FAT3: variants seen among roughly 807,000 people sequenced by gnomAD.
FAT3 encodes the protein protocadherin Fat 3.
Under a neutral mutation model 310.2 loss-of-function variants are expected in FAT3, and 95 were observed. That is an observed-to-expected ratio of 0.31 (90% CI 0.26 to 0.36). FAT3 has a LOEUF of 0.36. Among genes scored for constraint, FAT3 ranks in the 10% least tolerant of loss-of-function variants. The probability of loss-of-function intolerance (pLI) is 1.00; values close to 1 mark genes in which losing one functional copy is unlikely to be tolerated. For missense variants in FAT3, 5,408 were observed against 5,715.6 expected, an observed-to-expected ratio of 0.95 and a Z score of 1.74; for synonymous variants, 2,314 against 2,192.9, an observed-to-expected ratio of 1.06 and a Z score of -1.54.
intron 1 of FAT3, among the ~76,000 whole-genome samples, chr11:92,289,129 A>G (rs1470596452): frequency 6.6e-6 from 1 of 152,058 alleles, no homozygotes; most frequent in Non-Finnish European, 1.5e-5. Flanking sequence ...TTTTTGGCTC[A>G]TCTATGAGCA....
chr11:92,556,207 T>A (rs180874115), intron 3 of FAT3, among the ~76,000 whole-genome samples: 3 of 152,338 alleles, frequency 2.0e-5, no homozygotes, highest in African/African-American at 7.2e-5. Context: ...CTGCATAACC[T>A]GGAGGAAGAG....
chr11:92,490,936 A>C (rs551951569), intron 2 of FAT3, among the ~76,000 whole-genome samples: 1 of 152,202 alleles, frequency 6.6e-6, no homozygotes, highest in South Asian at 2.1e-4. Flanking sequence ...GTCCAAGGTC[A>C]TAAGGTTTGA....
intron 3 of FAT3, among the ~76,000 whole-genome samples, chr11:92,562,377 G>T (rs1287008398): frequency 6.6e-6 from 1 of 152,084 alleles, no homozygotes; most frequent in Non-Finnish European, 1.5e-5. Context: ...AGAAGGCCAA[G>T]ATAAATACGT....
intron 3 of FAT3, among the ~76,000 whole-genome samples, chr11:92,630,159 A>G (rs1941502742): frequency 6.6e-6 from 1 of 152,140 alleles, no homozygotes; most frequent in South Asian, 2.1e-4. Flanking sequence ...ATGAAATGGC[A>G]TGTGTGTTCA....
At chr11:92,331,025 A>G (rs1947911305) in intron 1 of FAT3, among the ~76,000 whole-genome samples, 1 of 150,632 alleles carries the variant, frequency 6.6e-6, no homozygotes, top group Non-Finnish European at 1.5e-5. Flanking sequence ...AGAGAGAAAC[A>G]TTTACAGCTT....
intron 3 of FAT3, among the ~76,000 whole-genome samples, chr11:92,573,620 A>G (rs1369514759): frequency 6.6e-6 from 1 of 152,206 alleles, no homozygotes; most frequent in African/African-American, 2.4e-5. Context: ...TATAAGGGAC[A>G]GAAAAAGAGA....
Position 92,834,854 on chromosome 11 carries a change from C to T in FAT3, c.9872-16C>T, listed in dbSNP as rs377472916. The T allele has an allele frequency of 1.3e-5, 21 of 1,579,504 alleles. No homozygotes were observed. The African/African-American group carries it at 2.6e-4, about 19-fold the overall frequency. ...TTTTCCTAATGAAATATAAAGCTCCCCATTTTTCTTCAAAGGGGGTATTTC... is the reference window on the plus strand; with the variant it reads ...TTTTCCTAATGAAATATAAAGCTCCTCATTTTTCTTCAAAGGGGGTATTTC... On this transcript the variant is annotated splice_polypyrimidine_tract_variant and intron_variant, in intron 14 of 27. Coordinates refer to ENST00000525166, the MANE Select transcript of FAT3 (RefSeq NM_001367949.2).
At chr11:92,532,583 A>G (rs1245527296) in intron 3 of FAT3, among the ~76,000 whole-genome samples, 2 of 152,184 alleles carry the variant, frequency 1.3e-5, no homozygotes, top group African/African-American at 4.8e-5. Context: ...TAATAATAAC[A>G]AAACTTCAAA....
At chr11:92,551,011 C>G (rs1423494557) in intron 3 of FAT3, among the ~76,000 whole-genome samples, 1 of 151,782 alleles carries the variant, frequency 6.6e-6, no homozygotes, top group Non-Finnish European at 1.5e-5. Flanking sequence ...TAAGCATCGC[C>G]CAGTCCCCGT....
At chr11:92,356,417 A>C (rs1948732020) in intron 2 of FAT3, among the ~76,000 whole-genome samples, 1 of 152,188 alleles carries the variant, frequency 6.6e-6, no homozygotes, top group Non-Finnish European at 1.5e-5. Context: ...AGTCAGCTCA[A>C]GCTGCTATAG....
intron 1 of FAT3, among the ~76,000 whole-genome samples, chr11:92,275,912 C>T (rs1488326177): frequency 6.6e-6 from 1 of 152,018 alleles, no homozygotes; most frequent in Non-Finnish European, 1.5e-5. Flanking sequence ...ATGTTTTCAC[C>T]ATTAAGATTT....
intron 1 of FAT3, among the ~76,000 whole-genome samples, chr11:92,305,987 A>G (rs1947106835): frequency 1.3e-5 from 2 of 152,160 alleles, no homozygotes; most frequent in South Asian, 2.1e-4. Flanking sequence ...GTAAAATGTT[A>G]ATATCTGGAA....
At chr11:92,692,096 A>G (rs1435000736) in intron 3 of FAT3, among the ~76,000 whole-genome samples, 2 of 152,174 alleles carry the variant, frequency 1.3e-5, no homozygotes, top group Non-Finnish European at 2.9e-5. Flanking sequence ...TTAAAGATTA[A>G]AAATATTTAA....
rs182739065 is a variant in FAT3, at chr11:92,773,525, T to C, written c.4196-516T>C. On this transcript the variant is annotated intron_variant, in intron 6 of 27. Coordinates refer to ENST00000525166, the MANE Select transcript of FAT3 (RefSeq NM_001367949.2). ...ATGAAATTTTTTTGCTTTTTTTTAC[T>C]GTTTAGAATTCATAATTTTATTTCT... Among the ~76,000 whole-genome samples, 16 of 152,308 alleles carry C rather than the reference T, an allele frequency of 1.1e-4. 2 individuals carry two copies. Among genetic ancestry groups the C allele is most frequent in the Admixed American group, 9.8e-4 (15 of 15,294 alleles).
At chr11:92,336,775 G>A (rs1948096451) in intron 1 of FAT3, among the ~76,000 whole-genome samples, 2 of 152,138 alleles carry the variant, frequency 1.3e-5, no homozygotes. Context: ...TGATGGTCTG[G>A]TAGTGAAATG....
intron 3 of FAT3, among the ~76,000 whole-genome samples, chr11:92,609,645 T>C (rs1010056865): frequency 2.6e-5 from 4 of 152,160 alleles, no homozygotes; most frequent in Admixed American, 2.0e-4. Flanking sequence ...AGATCAAATA[T>C]GAAAGTGAAA....
At chr11:92,449,981 G>A (rs1469794046) in intron 2 of FAT3, among the ~76,000 whole-genome samples, 1 of 152,108 alleles carries the variant, frequency 6.6e-6, no homozygotes, top group African/African-American at 2.4e-5. Context: ...CATTGAACTT[G>A]CTTTTTCTGA....
intron 2 of FAT3, among the ~76,000 whole-genome samples, chr11:92,479,386 G>A (rs1409380795): frequency 2.0e-5 from 3 of 151,936 alleles, no homozygotes; most frequent in Non-Finnish European, 4.4e-5. Context: ...CAAATACAGC[G>A]ACTCCAAAGT....
intron 2 of FAT3, among the ~76,000 whole-genome samples, chr11:92,500,317 T>C (rs537120037): frequency 1.1e-4 from 16 of 152,192 alleles, no homozygotes; most frequent in African/African-American, 3.8e-4. Flanking sequence ...TGGTCATAGA[T>C]AATCTATCAA....
Sources: gnomAD v4.1 joint callset for allele counts (sites outside exome capture counted in the v4.1 genomes callset) on GRCh38, gnomAD v4.1.1 for gene constraint, MANE v1.5 for transcripts, NCBI Gene and HGNC (gene_info 2026-07-23, HGNC 2026-07-21) for gene names.